RAPH1: variants seen among roughly 807,000 people sequenced by gnomAD.
RAPH1 encodes the protein ras-associated and pleckstrin homology domains-containing protein 1.
RAPH1 carries 18 observed loss-of-function variants against 88.1 expected under a neutral mutation model. The observed-to-expected ratio is 0.20, with a 90% CI of 0.14 to 0.30. RAPH1 has a LOEUF of 0.30. Ranked by LOEUF, RAPH1 falls within the 10% of genes least tolerant of loss-of-function variation. The pLI, the probability that RAPH1 is intolerant of heterozygous loss-of-function variation, is 1.00. For synonymous variants in RAPH1, 587 were observed against 559.0 expected, an observed-to-expected ratio of 1.05 and a Z score of -0.71; for missense variants, 1,448 against 1,543.2, an observed-to-expected ratio of 0.94 and a Z score of 1.03.
chr2:203,476,467 G>A (rs941103040), intron 4 of RAPH1, among the ~76,000 whole-genome samples: 3 of 152,028 alleles, frequency 2.0e-5, no homozygotes, highest in Admixed American at 1.3e-4. Context: ...CAACACACCC[G>A]GCCACGAGAT....
intron 2 of RAPH1, among the ~76,000 whole-genome samples, chr2:203,493,959 G>C (rs1272924732): frequency 9.7e-6 from 1 of 103,538 alleles, no homozygotes; most frequent in Admixed American, 1.4e-4. Context: ...CGACAGGAGT[G>C]AGACTCTATC....
chr2:203,442,014 T>C (rs182817845), intron 13 of RAPH1: 303 of 1,558,472 alleles, frequency 1.9e-4, no homozygotes, highest in Admixed American at 2.4e-4. Flanking sequence ...TGTGAGACAA[T>C]TGCATCCAAC....
rs187184093 is a variant in RAPH1, at chr2:203,533,756, C to T, written c.-1+1355G>A. 6.6e-5 allele frequency among the ~76,000 whole-genome samples: 10 copies of T among 152,178 alleles called. No individual in the cohort carries two copies. In the East Asian group the frequency reaches 1.9e-3, roughly 29 times the overall value. ...CCGCACCGCACCCCCAAAAAAACCA[C>T]CCCGAGGAGGAAAGGAATTTAAGGT... On this transcript the variant is annotated intron_variant, in intron 1 of 13. Transcript: ENST00000319170.
In RAPH1 at chr2:203,476,324, C is replaced by T. The variant is rs965042079; in HGVS notation, c.732+13260G>A. Among the ~76,000 whole-genome samples the T allele has an allele frequency of 5.9e-5, 9 of 152,154 alleles. No homozygotes were observed. In the East Asian group the frequency reaches 1.7e-3, roughly 29 times the overall value. On this transcript the variant is annotated intron_variant, in intron 4 of 13. Transcript: ENST00000319170. ...TAGCTGGGATTACAGGCATGTGCCA[C>T]CAAGCCTGGCTAATTTTTGTATTTT...
rs894628579 is a variant in RAPH1, at chr2:203,493,076, G to A, written c.121-1757C>T. On this transcript the variant is annotated intron_variant, in intron 2 of 13. Transcript: ENST00000319170. Reference sequence around the variant, plus strand: ...ACTTGAGGTTTTAGCCACAAACTTTGTAAAGTCAAACATCTCTTGAAAATG... The same window carrying A: ...ACTTGAGGTTTTAGCCACAAACTTTATAAAGTCAAACATCTCTTGAAAATG... Among the ~76,000 whole-genome samples, 14 of 152,192 alleles carry A rather than the reference G, an allele frequency of 9.2e-5. 1 individual carries two copies. Among genetic ancestry groups the A allele is most frequent in the African/African-American group, 3.4e-4 (14 of 41,446 alleles).
intron 4 of RAPH1, among the ~76,000 whole-genome samples, chr2:203,464,851 TACCTC>T (rs1444494025): frequency 6.6e-6 from 1 of 152,084 alleles, no homozygotes. Context: ...CCTGAAAAGA[TACCTC>T]ACTAAAGAAG....
In RAPH1 at chr2:203,434,107, C is replaced by T. The variant is rs181502320; in HGVS notation, c.*5330G>A. 1 of 151,682 alleles carries T rather than the reference C, an allele frequency of 6.6e-6. No homozygotes were observed. The allele number at this position is 151,682 out of a possible 1,614,324, so 9.4% of individuals were successfully genotyped here. A position where few individuals can be genotyped will look rare whatever the true frequency, so the allele number is the denominator to read the frequency against. On this transcript the variant is annotated 3_prime_UTR_variant, in exon 14 of 14. Transcript: ENST00000319170. ...CTTTGCACAATCAGGGAGCAAGGCA[C>T]ATAATGAAATGAGCATACATTTATG...
chr2:203,523,265 C>T (rs892096225), intron 1 of RAPH1, among the ~76,000 whole-genome samples: 1 of 151,678 alleles, frequency 6.6e-6, no homozygotes, highest in Non-Finnish European at 1.5e-5. Flanking sequence ...TGGTGGCGGG[C>T]GCCTGTAGTC....
intron 4 of RAPH1, among the ~76,000 whole-genome samples, chr2:203,464,671 T>A (rs1259454512): frequency 6.6e-6 from 1 of 152,036 alleles, no homozygotes; most frequent in Non-Finnish European, 1.5e-5. Context: ...TGAACATATT[T>A]CTGAGAAAAA....
rs988760642 is a variant in RAPH1 at position 203,434,364 on chromosome 2, G to A, written c.*5073C>T. 6.6e-6 allele frequency: 1 copy of A among 152,510 alleles called. No homozygotes were observed. The allele number at this position is 152,510 out of a possible 1,614,324, so 9.4% of individuals were successfully genotyped here. A position where few individuals can be genotyped will look rare whatever the true frequency, so the allele number is the denominator to read the frequency against. On this transcript the variant is annotated 3_prime_UTR_variant, in exon 14 of 14. Coordinates refer to ENST00000319170, the MANE Select transcript of RAPH1 (RefSeq NM_213589.3). ...ACTCTTGTTTTTTAAAGAACTGAGGGAGGGAGCAATCCCAGTTAAATATAA... is the reference window on the plus strand; with the variant it reads ...ACTCTTGTTTTTTAAAGAACTGAGGAAGGGAGCAATCCCAGTTAAATATAA...
intron 4 of RAPH1, among the ~76,000 whole-genome samples, chr2:203,481,002 G>A (rs975055412): frequency 1.6e-4 from 25 of 152,222 alleles, no homozygotes; most frequent in Admixed American, 1.5e-3. Context: ...ACGAAGAGTG[G>A]GAACCTGCCA....
At chr2:203,443,692 T>C (rs1468974957) in intron 13 of RAPH1, 1 of 145,314 alleles carries the variant, frequency 6.9e-6, no homozygotes, top group African/African-American at 2.6e-5. Context: ...AATAAAGAAA[T>C]AACTGGACTG....
At chr2:203,455,385 T>C in intron 9 of RAPH1, 52 bp downstream of exon 9, 3 of 1,569,232 alleles carry the variant, frequency 1.9e-6, no homozygotes, top group Non-Finnish European at 2.6e-6. Flanking sequence ...CAATACAAAT[T>C]AAAAGCAATT....
At chr2:203,485,755 G>A (rs970676321) in intron 4 of RAPH1, among the ~76,000 whole-genome samples, 3 of 152,020 alleles carry the variant, frequency 2.0e-5, no homozygotes, top group Non-Finnish European at 4.4e-5. Flanking sequence ...GTCTACGGAC[G>A]TTTTTAGTTG....
chr2:203,444,133 A>AG (rs1303084503), intron 13 of RAPH1: 1 of 146,688 alleles, frequency 6.8e-6, no homozygotes. Flanking sequence ...AAAAAAGAAG[A>AG]GAAAAAAAGA....
At chr2:203,520,441 A>G (rs927325214) in intron 1 of RAPH1, among the ~76,000 whole-genome samples, 1 of 152,070 alleles carries the variant, frequency 6.6e-6, no homozygotes, top group African/African-American at 2.4e-5. Context: ...CAGCCTGGCC[A>G]ACATGGTGAA....
intron 13 of RAPH1, chr2:203,443,500 C>T (rs976818000): frequency 6.6e-6 from 1 of 152,162 alleles, no homozygotes; most frequent in African/African-American, 2.4e-5. Flanking sequence ...TAACTATACT[C>T]ATCCTTCAGT....
intron 4 of RAPH1, among the ~76,000 whole-genome samples, chr2:203,485,281 T>C (rs1373365407): frequency 6.6e-6 from 1 of 151,942 alleles, no homozygotes; most frequent in Non-Finnish European, 1.5e-5. Context: ...CGTGGTGGCA[T>C]GTGCTTGTAA....
At chr2:203,465,194 G>A (rs2098527526) in intron 4 of RAPH1, among the ~76,000 whole-genome samples, 1 of 152,162 alleles carries the variant, frequency 6.6e-6, no homozygotes, top group Non-Finnish European at 1.5e-5. Flanking sequence ...CATGCACATG[G>A]ATGTTTATAG....
Sources: gnomAD v4.1 joint callset for allele counts (sites outside exome capture counted in the v4.1 genomes callset) on GRCh38, gnomAD v4.1.1 for gene constraint, MANE v1.5 for transcripts, NCBI Gene and HGNC (gene_info 2026-07-23, HGNC 2026-07-21) for gene names.